VSIG10L2: variants seen among roughly 807,000 people sequenced by gnomAD.
VSIG10L2 encodes V-set and immunoglobulin domain containing 10 like 2, also known as V-set and immunoglobulin domain-containing protein 10-like 2.
VSIG10L2 carries 56 observed loss-of-function variants against 67.1 expected under a neutral mutation model. The observed-to-expected ratio is 0.83, with a 90% CI of 0.67 to 1.04. The LOEUF is 1.04. VSIG10L2 is among the 50% of genes least tolerant of loss of function. VSIG10L2 has a pLI of 0.00. For synonymous variants in VSIG10L2, 360 were observed against 396.6 expected (o/e 0.91, Z 1.10); for missense variants, 843 against 932.8 (o/e 0.90, Z 1.25).
chr11:125,954,733 C>T (rs960747435), intron 8 of VSIG10L2, among the ~76,000 whole-genome samples: 1 of 152,180 alleles, frequency 6.6e-6, no homozygotes, highest in African/African-American at 2.4e-5. Context: ...CTTCCTGCTG[C>T]CCCCTCTCCA....
In VSIG10L2 at chr11:125,953,588, GGCATCTACGAT is replaced by G; in HGVS notation, c.1687_1697del (p.Ile563Ter). On this transcript the variant is annotated frameshift_variant, in exon 7 of 12. Coordinates refer to ENST00000686984, the MANE Select transcript of VSIG10L2 (RefSeq NM_001365077.2). LOFTEE classifies it high-confidence loss of function. The stretch of plus-strand genomic sequence containing the variant: ...CCCTGAGGGTGCCCAGCTGCGCCTG[GGCATCTACGAT>G]GCTGACCCGGCACACCACAGGGGCA... 1 of 1,232,122 alleles carries G rather than the reference GGCATCTACGAT, an allele frequency of 8.1e-7. No homozygotes were observed. The highest frequency in any genetic ancestry group is 1.0e-6 in the Non-Finnish European group (1 of 987,980). The allele number at this position is 1,232,122 out of a possible 1,614,324, so 76.3% of individuals were successfully genotyped here. A position where few individuals can be genotyped will look rare whatever the true frequency, so the allele number is the denominator to read the frequency against.
chr11:125,952,672 T>C (rs1206375466), intron 6 of VSIG10L2, among the ~76,000 whole-genome samples: 1 of 152,262 alleles, frequency 6.6e-6, no homozygotes, highest in African/African-American at 2.4e-5. Flanking sequence ...GTTCTCTACC[T>C]CTCTTACTCT....
At chr11:125,948,105 A>T in intron 2 of VSIG10L2, 69 bp downstream of exon 2, 6 of 1,231,962 alleles carry the variant, frequency 4.9e-6, no homozygotes, top group Non-Finnish European at 6.1e-6. Flanking sequence ...TGTGCTGCCC[A>T]TTCCCTTTGT....
Position 125,951,832 on chromosome 11 carries a change from T to C in VSIG10L2, c.1254T>C (p.Pro418=), listed in dbSNP as rs376162463. 1.5e-4 allele frequency: 233 copies of C among 1,514,624 alleles called. 1 individual carries two copies. The East Asian group carries it at 4.0e-3, about 26-fold the overall frequency. 93.8% of individuals were successfully genotyped at this position (1,514,624 alleles called of 1,614,324 possible). A position where few individuals can be genotyped will look rare whatever the true frequency, so the allele number is the denominator to read the frequency against. ...TVMLWEPLGR[P]TCWSTATMGD... is the part of the protein sequence containing the mutation. ...TTCCAGGGGAGCCTCTCGGGAGGCC[T>C]ACCTGCTGGAGCACAGCCACAATGG... The change falls in exon 6 of 12, where the codon CCT becomes CCC. Residue 418 remains proline (P), a synonymous_variant. Transcript: ENST00000686984.
chr11:125,954,023 G>A (rs1413781240), intron 7 of VSIG10L2, 64 bp from the exon 8 acceptor site: 1 of 1,211,900 alleles, frequency 8.3e-7, no homozygotes, highest in African/African-American at 1.6e-5. Context: ...GAGCAAATCT[G>A]GGGGCACAAG....
Position 125,954,186 on chromosome 11 carries a change from T to G in VSIG10L2, c.1886T>G (p.Leu629Arg), listed in dbSNP as rs1945418851. The change falls in exon 8 of 12, where the codon CTG becomes CGG. Residue 629 changes from leucine (L) to arginine (R), a missense_variant. Leu to Arg is a moderately radical substitution (Grantham distance 102). Around this residue, in one of 2 missense-constraint regions of VSIG10L2, gnomAD observed 397 missense variants for 384.4 expected, o/e 1.03. Transcript: ENST00000686984. The stretch of plus-strand genomic sequence containing the variant: ...TGGGCCATCTTAGGACCCGGGAACC[T>G]GACGGGCTTCCTGGTGCAGCGGAAG... ...LQWAILGPGN[L>R]TGFLVQRKAS... is the part of the protein sequence containing the mutation. The G allele has an allele frequency of 4.1e-6, 5 of 1,232,106 alleles. No homozygotes were observed. The African/African-American group carries it at 7.8e-5, about 19-fold the overall frequency. 76.3% of individuals were successfully genotyped at this position (1,232,106 alleles called of 1,614,324 possible).
In VSIG10L2 at chr11:125,955,228, A is replaced by G. The variant is rs938315080; in HGVS notation, c.2206+49A>G. On this transcript the variant is annotated intron_variant, in intron 9 of 11. Transcript: ENST00000686984. ...GGCTGCTTGACCCCACAGGGTGGCC[A>G]GGCCCTGACCTATCCAAAGGAGAGA... The G allele has an allele frequency of 1.0e-5, 13 of 1,263,410 alleles. No homozygotes were observed. The South Asian group carries it at 3.9e-4, about 38-fold the overall frequency. The allele number at this position is 1,263,410 out of a possible 1,614,324, so 78.3% of individuals were successfully genotyped here.
intron 3 of VSIG10L2, 116 bp downstream of exon 3, chr11:125,948,696 T>A: frequency 9.0e-7 from 1 of 1,113,384 alleles, no homozygotes; most frequent in Non-Finnish European, 1.1e-6. Context: ...TGCCTCGCCC[T>A]CTAAAAGTCT....
intron 6 of VSIG10L2, among the ~76,000 whole-genome samples, chr11:125,952,301 T>C (rs373763414): frequency 2.6e-5 from 4 of 152,198 alleles, no homozygotes; most frequent in African/African-American, 9.7e-5. Context: ...AAAAATATAA[T>C]GTGAGCCATA....
chr11:125,955,757 G>A (rs1333846589), intron 11 of VSIG10L2, 60 bp from the exon 12 acceptor site: 2 of 1,123,502 alleles, frequency 1.8e-6, no homozygotes, highest in Non-Finnish European at 2.6e-6. Context: ...TTGAGCTCTG[G>A]GAACACTTGG....
chr11:125,950,609 G>A (rs947296741), intron 4 of VSIG10L2, among the ~76,000 whole-genome samples: 3 of 152,170 alleles, frequency 2.0e-5, no homozygotes, highest in East Asian at 1.9e-4. Flanking sequence ...GAGGCAAGGT[G>A]TGCTGGCTCC....
chr11:125,948,343 T>A lies in VSIG10L2; in HGVS notation c.472T>A (p.Ser158Thr), dbSNP rs2134301967. Residue 158 changes from serine (S) to threonine (T), a missense_variant, in exon 3 of 12, where the codon TCC becomes ACC. Transcript: ENST00000686984. ...GCCTCAAGTGCGACTGAGTAACCCGTCCCCTGTGGAGGGAGCCTCCGTGGT... is the reference window on the plus strand; with the variant it reads ...GCCTCAAGTGCGACTGAGTAACCCGACCCCTGTGGAGGGAGCCTCCGTGGT... ...SKPQVRLSNP[S>T]PVEGASVVAT... is the part of the protein sequence containing the mutation. The A allele has an allele frequency of 1.6e-6, 2 of 1,232,434 alleles. No homozygotes were observed. Among genetic ancestry groups the A allele is most frequent in the Non-Finnish European group, 2.0e-6 (2 of 988,266 alleles). The allele number at this position is 1,232,434 out of a possible 1,614,324, so 76.3% of individuals were successfully genotyped here. A position where few individuals can be genotyped will look rare whatever the true frequency, so the allele number is the denominator to read the frequency against.
chr11:125,951,235 G>C (rs1050083424), intron 5 of VSIG10L2, 77 bp downstream of exon 5: 90 of 1,226,810 alleles, frequency 7.3e-5, no homozygotes, highest in Non-Finnish European at 8.9e-5. Flanking sequence ...GAGGCGGGGG[G>C]CCTGGGATCT....
chr11:125,954,038 C>T (rs1945415952), intron 7 of VSIG10L2, 49 bp from the exon 8 acceptor site: 2 of 1,221,786 alleles, frequency 1.6e-6, no homozygotes, highest in Non-Finnish European at 2.0e-6. Context: ...CACAAGGTCA[C>T]GTGGTTGTAG....
rs1226864918 is a variant in VSIG10L2 at position 125,954,257 on chromosome 11, A to G, written c.1957A>G (p.Ser653Gly). 4 of 1,232,114 alleles carry G rather than the reference A, an allele frequency of 3.2e-6. No homozygotes were observed. The East Asian group carries it at 9.5e-5, about 29-fold the overall frequency. The allele number at this position is 1,232,114 out of a possible 1,614,324, so 76.3% of individuals were successfully genotyped here. A position where few individuals can be genotyped will look rare whatever the true frequency, so the allele number is the denominator to read the frequency against. ...AGCTGGGGCGTGGGAGACAGCAGCT[A>G]GTGACATCGAGCCAGAGAGCCGAGG... ...PGAGAWETAA[S>G]DIEPESRGRR... The change falls in exon 8 of 12, where the codon AGT becomes GGT. Residue 653 changes from serine to glycine, a missense_variant. Ser to Gly is a moderately conservative substitution (Grantham distance 56). This residue lies in a region of VSIG10L2 where 397 missense variants were observed against 384.4 expected (regional missense o/e 1.03). Coordinates refer to ENST00000686984, the MANE Select transcript of VSIG10L2 (RefSeq NM_001365077.2).
intron 5 of VSIG10L2, among the ~76,000 whole-genome samples, chr11:125,951,490 C>T (rs1945369438): frequency 6.6e-6 from 1 of 152,248 alleles, no homozygotes; most frequent in African/African-American, 2.4e-5. Context: ...CTTCAGCATT[C>T]TCTCTGCCAA....
chr11:125,950,809 C>A, intron 4 of VSIG10L2, 101 bp from the exon 5 acceptor site: 1 of 1,124,384 alleles, frequency 8.9e-7, no homozygotes, highest in Non-Finnish European at 1.1e-6. Flanking sequence ...TGCTCCCCTA[C>A]CCACTGACAC....
At position 125,956,003 on chromosome 11, in the gene VSIG10L2, C is replaced by T. The variant is rs146891546; in HGVS notation, c.*89C>T. 12 of 649,640 alleles carry T rather than the reference C, an allele frequency of 1.8e-5. No individual in the cohort carries two copies. The highest frequency in any genetic ancestry group is 4.7e-5 in the Admixed American group (2 of 42,552). 40.2% of individuals were successfully genotyped at this position (649,640 alleles called of 1,614,324 possible). On this transcript the variant is annotated 3_prime_UTR_variant, in exon 12 of 12. Coordinates refer to ENST00000686984, the MANE Select transcript of VSIG10L2 (RefSeq NM_001365077.2). ...TGTCAGACTTTGGTCATAAAACCAA[C>T]GTAGCTAAGACACCAACTACCACTT...
Position 125,950,264 on chromosome 11 carries a change from G to C in VSIG10L2, c.960G>C (p.Gln320His), listed in dbSNP as rs905011943. The change falls in exon 4 of 12, where the codon CAG becomes CAC. Residue 320 changes from glutamine to histidine, a missense_variant. Physicochemically the swap from Gln to His is conservative, Grantham distance 24. This residue lies in a region of VSIG10L2 where 446 missense variants were observed against 548.4 expected (regional missense o/e 0.81). Coordinates refer to ENST00000686984, the MANE Select transcript of VSIG10L2 (RefSeq NM_001365077.2). The stretch of plus-strand genomic sequence containing the variant: ...ACAGCTACCTGGACACCCGCACCCA[G>C]ACTACTGTCCAGCTCACCATCTACT... The part of the protein sequence containing the change: ...ARNSYLDTRT[Q>H]TTVQLTIYYP... 2 of 1,232,380 alleles carry C rather than the reference G, an allele frequency of 1.6e-6. No homozygotes were observed. Among genetic ancestry groups the C allele is most frequent in the African/African-American group, 3.1e-5 (2 of 64,450 alleles). 76.3% of individuals were successfully genotyped at this position (1,232,380 alleles called of 1,614,324 possible).
Sources: allele counts gnomAD v4.1 joint callset (sites outside exome capture counted in the v4.1 genomes callset), GRCh38; gene constraint gnomAD v4.1.1; regional missense constraint gnomAD v4.1.1; transcripts MANE v1.5; gene names NCBI Gene and HGNC (gene_info 2026-07-23, HGNC 2026-07-21).